SORCS2: variants seen among roughly 807,000 people sequenced by gnomAD.
SORCS2 encodes the protein sortilin related VPS10 domain containing receptor 2.
Under a neutral mutation model 141.6 loss-of-function variants are expected in SORCS2, and 100 were observed. The observed-to-expected ratio is 0.71, with a 90% CI of 0.60 to 0.83. The LOEUF (loss-of-function observed/expected upper bound fraction) is 0.83. Among genes scored for constraint, SORCS2 ranks in the 40% least tolerant of loss-of-function variants. The pLI is 0.00. For missense variants in SORCS2, 1,646 were observed against 1,560.2 expected, an observed-to-expected ratio of 1.05 and a Z score of -0.93; for synonymous variants, 789 against 676.9, an observed-to-expected ratio of 1.17 and a Z score of -2.57.
chr4:7,602,675 C>A (rs1483887235), intron 3 of SORCS2, among the ~76,000 whole-genome samples: 3 of 145,382 alleles, frequency 2.1e-5, no homozygotes, highest in Non-Finnish European at 3.0e-5. Flanking sequence ...ACTTCCCAGG[C>A]TGGGCGGCCG....
At chr4:7,737,754 C>A (rs1339357607) in intron 26 of SORCS2, among the ~76,000 whole-genome samples, 1 of 152,232 alleles carries the variant, frequency 6.6e-6, no homozygotes, top group Non-Finnish European at 1.5e-5. Flanking sequence ...CGTTTATGGC[C>A]GTTTTCTCTT....
At chr4:7,259,653 C>T (rs558490024) in intron 1 of SORCS2, among the ~76,000 whole-genome samples, 12 of 152,356 alleles carry the variant, frequency 7.9e-5, no homozygotes, top group Non-Finnish European at 1.2e-4. Flanking sequence ...TCCTGCCTCC[C>T]GCCCTACCTT....
At chr4:7,467,651 A>G (rs1459084451) in intron 2 of SORCS2, among the ~76,000 whole-genome samples, 3 of 152,178 alleles carry the variant, frequency 2.0e-5, no homozygotes, top group Admixed American at 1.3e-4. Flanking sequence ...TGAAGGAGCC[A>G]GGGCTCCGGC....
Position 7,727,245 on chromosome 4 carries a change from C to T in SORCS2, c.2869+342C>T, listed in dbSNP as rs201329742. Among the ~76,000 whole-genome samples the T allele has an allele frequency of 6.5e-4, 99 of 152,370 alleles. No individual in the cohort carries two copies. In the East Asian group the frequency reaches 0.018, roughly 28 times the overall value. On this transcript the variant is annotated intron_variant, in intron 21 of 26. Transcript: ENST00000507866. ...TGCCTGCCTCCAGGGCCCCTGTCCT[C>T]TTGGCACCTCTGGCCAAGCCTGAGC...
intron 2 of SORCS2, among the ~76,000 whole-genome samples, chr4:7,474,292 G>A (rs942484093): frequency 4.6e-5 from 7 of 152,226 alleles, no homozygotes; most frequent in Non-Finnish European, 8.8e-5. Flanking sequence ...GAGGTCAGCG[G>A]GCAGAGCCCC....
At chr4:7,644,311 T>G (rs571174259) in intron 4 of SORCS2, among the ~76,000 whole-genome samples, 1 of 152,256 alleles carries the variant, frequency 6.6e-6, no homozygotes, top group Admixed American at 6.5e-5. Flanking sequence ...ATAAAGCCAG[T>G]GACTGGACAC....
intron 1 of SORCS2, among the ~76,000 whole-genome samples, chr4:7,318,336 G>C (rs746965588): frequency 5.3e-5 from 8 of 152,176 alleles, no homozygotes; most frequent in Non-Finnish European, 1.2e-4. Context: ...GGGCAGGGCT[G>C]TTGGTGTGCC....
chr4:7,427,253 G>T (rs1489654612), intron 2 of SORCS2, among the ~76,000 whole-genome samples: 1 of 151,656 alleles, frequency 6.6e-6, no homozygotes, highest in African/African-American at 2.4e-5. Context: ...CTCAGGCTCT[G>T]GGGGGGGCTT....
In SORCS2 at chr4:7,648,974, AGCTG is replaced by A. The variant is rs1721260983; in HGVS notation, c.814-5157_814-5154del. Among the ~76,000 whole-genome samples the A allele has an allele frequency of 6.6e-6, 1 of 152,160 alleles. No homozygotes were observed. The highest frequency in any genetic ancestry group is 2.4e-5 in the African/African-American group (1 of 41,444). On this transcript the variant is annotated intron_variant, in intron 4 of 26. Coordinates refer to ENST00000507866, the MANE Select transcript of SORCS2 (RefSeq NM_020777.3). The surrounding 1 kb of genome is among the most constrained non-coding windows in gnomAD (Gnocchi z 4.2). Reference sequence around the variant, plus strand: ...GCCTGGGGATCCCTCCCCCGAGCCCAGCTGGCACTGGCACCAGGACATGAGGGTG... The same window carrying A: ...GCCTGGGGATCCCTCCCCCGAGCCCAGCACTGGCACCAGGACATGAGGGTG...
intron 8 of SORCS2, 60 bp downstream of exon 8, chr4:7,667,273 T>C: frequency 2.7e-6 from 4 of 1,495,050 alleles, no homozygotes; most frequent in Non-Finnish European, 3.7e-6. Context: ...TCCTGACTCA[T>C]GGGGCAACAG....
intron 1 of SORCS2, among the ~76,000 whole-genome samples, chr4:7,326,082 C>T (rs1173393595): frequency 1.3e-5 from 2 of 152,002 alleles, no homozygotes; most frequent in African/African-American, 4.8e-5. Flanking sequence ...ATGGAGAGAT[C>T]AGCATTTACA....
At chr4:7,526,883 A>T (rs1002268611) in intron 2 of SORCS2, among the ~76,000 whole-genome samples, 1 of 152,276 alleles carries the variant, frequency 6.6e-6, no homozygotes, top group Non-Finnish European at 1.5e-5. Context: ...TAATTAACTC[A>T]ATATATCCAA....
rs543260202 is a variant in SORCS2, at chr4:7,664,528, C to G, written c.1071+57C>G. 1 of 1,288,652 alleles carries G rather than the reference C, an allele frequency of 7.8e-7. No individual in the cohort carries two copies. The highest frequency in any genetic ancestry group is 1.1e-6 in the Non-Finnish European group (1 of 922,306). 79.8% of individuals were successfully genotyped at this position (1,288,652 alleles called of 1,614,324 possible). ...GCAACAGGTGACGTGGCGGATGACC[C>G]GTTCGCGGCAAAAATGGCATCGCTC... On this transcript the variant is annotated intron_variant, in intron 7 of 26. Coordinates refer to ENST00000507866, the MANE Select transcript of SORCS2 (RefSeq NM_020777.3). This position sits in a 1 kb window ranked among gnomAD's most constrained non-coding sequence, Gnocchi z 4.7.
At chr4:7,370,599 A>G (rs1465088127) in intron 1 of SORCS2, among the ~76,000 whole-genome samples, 1 of 152,232 alleles carries the variant, frequency 6.6e-6, no homozygotes, top group Non-Finnish European at 1.5e-5. Context: ...GATCTTCCAA[A>G]GAGAAATAAC....
chr4:7,738,326 T>C, intron 26 of SORCS2, among the ~76,000 whole-genome samples: 1 of 152,248 alleles, frequency 6.6e-6, no homozygotes, highest in East Asian at 1.9e-4. Flanking sequence ...TTTCCATGCC[T>C]GTCTCAGCTC....
At chr4:7,213,644 G>C (rs867593695) in intron 1 of SORCS2, among the ~76,000 whole-genome samples, 2 of 152,200 alleles carry the variant, frequency 1.3e-5, no homozygotes, top group African/African-American at 4.8e-5. Flanking sequence ...CGGGAGCCTC[G>C]CTGGGGTCTC....
At chr4:7,204,465 G>A (rs1166366665) in intron 1 of SORCS2, among the ~76,000 whole-genome samples, 5 of 152,108 alleles carry the variant, frequency 3.3e-5, no homozygotes, top group Non-Finnish European at 7.4e-5. Flanking sequence ...CAATCCACCC[G>A]CCTCAGCCTC....
Position 7,725,378 on chromosome 4 carries a change from A to G in SORCS2, c.2745+91A>G, listed in dbSNP as rs554675065. ...CAGAGCATGGCCCCAGGTTTTCAGC[A>G]GAAGGAACCAGTGTAGGGTGCACTC... On this transcript the variant is annotated intron_variant, in intron 20 of 26. Coordinates refer to ENST00000507866, the MANE Select transcript of SORCS2 (RefSeq NM_020777.3). 46 of 1,487,004 alleles carry G rather than the reference A, an allele frequency of 3.1e-5. No individual in the cohort carries two copies. In the African/African-American group the frequency reaches 6.2e-4, roughly 20 times the overall value. The allele number at this position is 1,487,004 out of a possible 1,614,324, so 92.1% of individuals were successfully genotyped here.
At chr4:7,480,634 T>C (rs985670224) in intron 2 of SORCS2, among the ~76,000 whole-genome samples, 2 of 152,222 alleles carry the variant, frequency 1.3e-5, no homozygotes, top group African/African-American at 4.8e-5. Flanking sequence ...ACAGTGAAAC[T>C]GGGATGGCAG....
Sources: allele counts gnomAD v4.1 joint callset (sites outside exome capture counted in the v4.1 genomes callset), GRCh38; gene constraint gnomAD v4.1.1; non-coding constraint Gnocchi (gnomAD v3.1); transcripts MANE v1.5; gene names NCBI Gene and HGNC (gene_info 2026-07-23, HGNC 2026-07-21).